NALF1: variants seen among roughly 807,000 people sequenced by gnomAD.
The protein encoded by NALF1 is NALCN channel auxiliary factor 1.
A neutral mutation model predicts 48.4 loss-of-function variants in NALF1; 3 were observed. The observed-to-expected ratio is 0.06, with a 90% CI of 0.03 to 0.16. The LOEUF (loss-of-function observed/expected upper bound fraction) is 0.16, where lower values mean the gene tolerates loss of function less well. NALF1 is among the 10% of genes least tolerant of loss of function. The pLI is 1.00. For missense variants in NALF1, 526 were observed against 571.5 expected, an observed-to-expected ratio of 0.92 and a Z score of 0.81; for synonymous variants, 262 against 245.7, an observed-to-expected ratio of 1.07 and a Z score of -0.62.
At chr13:107,697,862 T>C (rs1881733460) in intron 1 of NALF1, among the ~76,000 whole-genome samples, 1 of 152,162 alleles carries the variant, frequency 6.6e-6, no homozygotes, top group South Asian at 2.1e-4. Context: ...TTCTAAACTA[T>C]CTTTAACATA....
chr13:107,592,630 T>C (rs1878630189), intron 1 of NALF1, among the ~76,000 whole-genome samples: 1 of 151,874 alleles, frequency 6.6e-6, no homozygotes, highest in African/African-American at 2.4e-5. Flanking sequence ...TTGATTCAGC[T>C]TAACCTAGGC....
At chr13:107,773,551 A>C (rs534012001) in intron 1 of NALF1, among the ~76,000 whole-genome samples, 1 of 152,150 alleles carries the variant, frequency 6.6e-6, no homozygotes, top group South Asian at 2.1e-4. Context: ...AATTTTTCTA[A>C]AACCAAGTAT....
chr13:107,261,794 A>C (rs1435304637), intron 1 of NALF1, among the ~76,000 whole-genome samples: 2 of 152,216 alleles, frequency 1.3e-5, no homozygotes, highest in Non-Finnish European at 2.9e-5. Flanking sequence ...ATTTCCAGTT[A>C]CTTGAGCAAA....
intron 1 of NALF1, among the ~76,000 whole-genome samples, chr13:107,623,935 A>C (rs1175627791): frequency 6.6e-6 from 1 of 152,200 alleles, no homozygotes; most frequent in Non-Finnish European, 1.5e-5. Flanking sequence ...AGTGGATGAA[A>C]GTGTATATGG....
intron 1 of NALF1, among the ~76,000 whole-genome samples, chr13:107,629,315 G>T (rs1879768691): frequency 6.6e-6 from 1 of 152,012 alleles, no homozygotes; most frequent in Non-Finnish European, 1.5e-5. Flanking sequence ...TACTTATTCA[G>T]GCAGACATGA....
chr13:107,167,975 CTAAG>C lies in NALF1; in HGVS notation c.*2518_*2521del, dbSNP rs1178794359. The C allele has an allele frequency of 1.3e-5, 2 of 152,120 alleles. No homozygotes were observed. The highest frequency in any genetic ancestry group is 4.8e-5 in the African/African-American group (2 of 41,416). 9.4% of individuals were successfully genotyped at this position (152,120 alleles called of 1,614,324 possible). On this transcript the variant is annotated 3_prime_UTR_variant, in exon 3 of 3. Transcript: ENST00000375915. Reference sequence around the variant, plus strand: ...AGGAATACTGCTTTTCGTCATTTTGCTAAGTGTTTAGAAAGAATAATTTATTGTC... The same window carrying C: ...AGGAATACTGCTTTTCGTCATTTTGCTGTTTAGAAAGAATAATTTATTGTC...
intron 1 of NALF1, among the ~76,000 whole-genome samples, chr13:107,343,688 C>G (rs1216014700): frequency 6.6e-6 from 1 of 152,070 alleles, no homozygotes; most frequent in African/African-American, 2.4e-5. Context: ...TTGAGACAAC[C>G]TAACAAAGCT....
chr13:107,856,923 T>C (rs1251138737), intron 1 of NALF1, among the ~76,000 whole-genome samples: 3 of 152,190 alleles, frequency 2.0e-5, no homozygotes, highest in Non-Finnish European at 2.9e-5. Flanking sequence ...ACTCCTTTCA[T>C]AGAACACTCT....
intron 1 of NALF1, among the ~76,000 whole-genome samples, chr13:107,273,573 C>G (rs1172359512): frequency 6.6e-6 from 1 of 152,160 alleles, no homozygotes; most frequent in Non-Finnish European, 1.5e-5. Flanking sequence ...ATTAAACTAT[C>G]ACAAAAAGCT....
intron 1 of NALF1, among the ~76,000 whole-genome samples, chr13:107,830,557 T>C (rs1304389894): frequency 6.6e-6 from 1 of 152,192 alleles, no homozygotes; most frequent in Non-Finnish European, 1.5e-5. Context: ...TCTTTTCATG[T>C]CTTTTGGCCA....
intron 1 of NALF1, among the ~76,000 whole-genome samples, chr13:107,744,055 T>A (rs763056509): frequency 1.3e-5 from 2 of 152,078 alleles, no homozygotes; most frequent in Non-Finnish European, 2.9e-5. Flanking sequence ...GCAGTCTGGA[T>A]GAAAAAGAAA....
intron 1 of NALF1, among the ~76,000 whole-genome samples, chr13:107,563,678 G>A (rs1362130382): frequency 3.9e-5 from 6 of 152,170 alleles, no homozygotes; most frequent in African/African-American, 1.4e-4. Context: ...TGAAGACATT[G>A]CAGCTAAATA....
Position 107,865,802 on chromosome 13 carries a change from G to A in NALF1, c.795C>T (p.Val265=). 6.2e-7 allele frequency: 1 copy of A among 1,614,028 alleles called. No individual in the cohort carries two copies. Among genetic ancestry groups the A allele is most frequent in the Non-Finnish European group, 8.5e-7 (1 of 1,180,022 alleles). Residue 265 remains valine (V), a synonymous_variant, in exon 1 of 3, where the codon GTC becomes GTT. Transcript: ENST00000375915. Reference sequence around the variant, plus strand: ...GGTGGTCATAGTCCTGGTAAGCCTCGACGCACTGCCTGCAAGTGGTCATCT... The same window carrying A: ...GGTGGTCATAGTCCTGGTAAGCCTCAACGCACTGCCTGCAAGTGGTCATCT... ...GGEMTTCRQC[V]EAYQDYDHHA...
rs535578464 is a variant in NALF1, at chr13:107,757,489, T to C, written c.915+108193A>G. 2.0e-5 allele frequency among the ~76,000 whole-genome samples: 3 copies of C among 148,722 alleles called. No homozygotes were observed. In the Admixed American group the frequency reaches 2.0e-4, roughly 10 times the overall value. The stretch of plus-strand genomic sequence containing the variant: ...TGAATGATAAGGGGCTAGAAATCTA[T>C]ACAAATGCAGGCCCCAACTATGAAA... On this transcript the variant is annotated intron_variant, in intron 1 of 2. Transcript: ENST00000375915.
At chr13:107,598,958 T>C (rs1416450419) in intron 1 of NALF1, among the ~76,000 whole-genome samples, 3 of 152,186 alleles carry the variant, frequency 2.0e-5, no homozygotes, top group African/African-American at 7.2e-5. Context: ...CCGCCAAGAC[T>C]AGAAAAGTAC....
chr13:107,811,799 T>C (rs1202202342), intron 1 of NALF1, among the ~76,000 whole-genome samples: 1 of 152,166 alleles, frequency 6.6e-6, no homozygotes, highest in Non-Finnish European at 1.5e-5. Context: ...ACTCCCATGA[T>C]AATGACATTA....
chr13:107,525,139 G>A (rs971882437), intron 1 of NALF1, among the ~76,000 whole-genome samples: 1 of 152,036 alleles, frequency 6.6e-6, no homozygotes, highest in Non-Finnish European at 1.5e-5. Flanking sequence ...TTAACATACA[G>A]TAAATTTGAC....
chr13:107,400,250 AATT>A (rs1883781979), intron 1 of NALF1, among the ~76,000 whole-genome samples: 2 of 152,176 alleles, frequency 1.3e-5, no homozygotes, highest in African/African-American at 4.8e-5. Flanking sequence ...ATTAAAGAGT[AATT>A]ATTTTTAAAA....
intron 1 of NALF1, among the ~76,000 whole-genome samples, chr13:107,543,326 A>G (rs1168677347): frequency 6.6e-6 from 1 of 152,060 alleles, no homozygotes; most frequent in Non-Finnish European, 1.5e-5. Context: ...TACAACAACC[A>G]TAAAACAAAA....
Sources: gnomAD v4.1 joint callset for allele counts (sites outside exome capture counted in the v4.1 genomes callset) on GRCh38, gnomAD v4.1.1 for gene constraint, MANE v1.5 for transcripts, NCBI Gene and HGNC (gene_info 2026-07-23, HGNC 2026-07-21) for gene names.